HSF2: variants seen among roughly 807,000 people sequenced by gnomAD.
HSF2 encodes the protein heat shock factor protein 2.
HSF2 carries 21 observed loss-of-function variants against 65.0 expected under a neutral mutation model. That is an observed-to-expected ratio of 0.32 (90% CI 0.23 to 0.47). HSF2 has a LOEUF of 0.47. Among genes scored for constraint, HSF2 ranks in the 20% least tolerant of loss-of-function variants. The pLI, the probability that HSF2 is intolerant of heterozygous loss-of-function variation, is 1.00. For missense variants in HSF2, 499 were observed against 628.1 expected, an observed-to-expected ratio of 0.79 and a Z score of 2.20; for synonymous variants, 225 against 219.1, an observed-to-expected ratio of 1.03 and a Z score of -0.24.
chr6:122,405,256 T>TAAA (rs367766925), intron 1 of HSF2, among the ~76,000 whole-genome samples: 1 of 123,712 alleles, frequency 8.1e-6, no homozygotes, highest in African/African-American at 3.0e-5. Context: ...CCCTGTCTCT[T>TAAA]AAAAAAAAAA....
At chr6:122,418,095 T>A (rs1774161978) in intron 5 of HSF2, among the ~76,000 whole-genome samples, 1 of 151,304 alleles carries the variant, frequency 6.6e-6, no homozygotes, top group Admixed American at 6.6e-5. Flanking sequence ...AATACTCTAT[T>A]TAATCATGTA....
chr6:122,422,887 A>G lies in HSF2; in HGVS notation c.1000A>G (p.Ser334Gly). ...SSAVQLNGSS[S>G]LTSEDPVTMM... ...TGCTGTCCAGCTAAATGGCTCATCC[A>G]GTCTGACCTCAGAAGATCCAGTGAC... Residue 334 changes from serine (S) to glycine (G), a missense_variant, in exon 9 of 13, where the codon AGT becomes GGT. Physicochemically the swap from Ser to Gly is moderately conservative, Grantham distance 56 (BLOSUM62 0). This residue lies in a region of HSF2 where 349 missense variants were observed against 393.5 expected (regional missense o/e 0.89). Transcript: ENST00000368455. The G allele has an allele frequency of 1.2e-6, 2 of 1,613,668 alleles. No individual in the cohort carries two copies. Among genetic ancestry groups the G allele is most frequent in the Non-Finnish European group, 1.7e-6 (2 of 1,179,730 alleles).
intron 1 of HSF2, 48 bp downstream of exon 1, chr6:122,399,878 C>G: frequency 7.4e-7 from 1 of 1,350,874 alleles, no homozygotes. Flanking sequence ...TAACCGCCTC[C>G]TCACTCGCTC....
rs1217446582 is a variant in HSF2 at position 122,422,798 on chromosome 6, A to G, written c.911A>G (p.Gln304Arg). Reference sequence around the variant, plus strand: ...GCACCTGTCATTCAGAGTGGAGAGCAGAATGAACCAGCCAGAGAATCCCTA... The same window carrying G: ...GCACCTGTCATTCAGAGTGGAGAGCGGAATGAACCAGCCAGAGAATCCCTA... Reference protein sequence around the residue: ...EYAPVIQSGEQNEPARESLSS... With the variant: ...EYAPVIQSGERNEPARESLSS... Residue 304 changes from glutamine to arginine, a missense_variant, in exon 9 of 13, where the codon CAG becomes CGG. Around this residue, in one of 2 missense-constraint regions of HSF2, gnomAD observed 349 missense variants for 393.5 expected, o/e 0.89. Coordinates refer to ENST00000368455, the MANE Select transcript of HSF2 (RefSeq NM_004506.4). 10 of 1,613,496 alleles carry G rather than the reference A, an allele frequency of 6.2e-6. No individual in the cohort carries two copies. The highest frequency in any genetic ancestry group is 1.1e-5 in the South Asian group (1 of 91,080).
rs761574648 is a variant in HSF2 at position 122,422,748 on chromosome 6, T to A, written c.861T>A (p.Val287=). Residue 287 remains valine (V), a synonymous_variant, in exon 9 of 13, where the codon GTT becomes GTA. Transcript: ENST00000368455. ...NCSQYPDIVI[V]EDDNEDEYAP... is the part of the protein sequence containing the mutation. The stretch of plus-strand genomic sequence containing the variant: ...GCCAGTACCCTGATATTGTCATCGT[T>A]GAAGATGACAATGAAGATGAGTATG... 8.1e-6 allele frequency: 13 copies of A among 1,611,276 alleles called. No individual in the cohort carries two copies. The Admixed American group carries it at 1.2e-4, about 14-fold the overall frequency.
chr6:122,399,751 C>G lies in HSF2; in HGVS notation c.14C>G (p.Ser5Trp), dbSNP rs1473245781. 1.2e-6 allele frequency: 2 copies of G among 1,612,072 alleles called. No homozygotes were observed. The highest frequency in any genetic ancestry group is 1.7e-6 in the Non-Finnish European group (2 of 1,179,238). MKQS[S>W]NVPAFLSKLW... ...GCCGCGTTAACAATGAAGCAGAGTTCGAACGTGCCGGCTTTCCTCAGCAAG... is the reference window on the plus strand; with the variant it reads ...GCCGCGTTAACAATGAAGCAGAGTTGGAACGTGCCGGCTTTCCTCAGCAAG... Residue 5 changes from serine to tryptophan, a missense_variant, in exon 1 of 13, where the codon TCG (serine) becomes TGG (tryptophan). Physicochemically the swap from Ser to Trp is radical, Grantham distance 177. Coordinates refer to ENST00000368455, the MANE Select transcript of HSF2 (RefSeq NM_004506.4).
At chr6:122,410,658 T>C (rs934054072) in intron 1 of HSF2, among the ~76,000 whole-genome samples, 1 of 151,942 alleles carries the variant, frequency 6.6e-6, no homozygotes, top group Non-Finnish European at 1.5e-5. Flanking sequence ...TAAGGGGAAT[T>C]GTACAGTATT....
At chr6:122,410,320 T>G (rs965382286) in intron 1 of HSF2, among the ~76,000 whole-genome samples, 3 of 151,944 alleles carry the variant, frequency 2.0e-5, no homozygotes, top group African/African-American at 4.8e-5. Flanking sequence ...TTTAATATTT[T>G]TAAAGTTCCT....
intron 1 of HSF2, among the ~76,000 whole-genome samples, chr6:122,405,700 G>A (rs963487332): frequency 4.6e-5 from 7 of 152,002 alleles, no homozygotes; most frequent in Non-Finnish European, 7.4e-5. Context: ...TTTGCCAGCT[G>A]TTTTATAAAA....
chr6:122,400,264 T>C (rs572268567), intron 1 of HSF2, among the ~76,000 whole-genome samples: 2 of 152,100 alleles, frequency 1.3e-5, no homozygotes, highest in African/African-American at 4.8e-5. Flanking sequence ...AACGTGGGGC[T>C]TTATAGGAGG....
At chr6:122,401,245 T>TA (rs1189250205) in intron 1 of HSF2, among the ~76,000 whole-genome samples, 2 of 152,212 alleles carry the variant, frequency 1.3e-5, no homozygotes, top group African/African-American at 4.8e-5. Flanking sequence ...AGCCAGCCAC[T>TA]AGCATGTACT....
At chr6:122,420,313 A>G in intron 7 of HSF2, 91 bp downstream of exon 7, 1 of 915,624 alleles carries the variant, frequency 1.1e-6, no homozygotes, top group East Asian at 2.9e-5. Flanking sequence ...AAGTGTGGTG[A>G]ATAACAATTC....
intron 1 of HSF2, among the ~76,000 whole-genome samples, chr6:122,404,212 C>T (rs1448383163): frequency 6.6e-6 from 1 of 152,154 alleles, no homozygotes; most frequent in Non-Finnish European, 1.5e-5. Context: ...CAGAATTTTT[C>T]CATTGTTTTC....
chr6:122,412,209 T>C (rs1774013119), intron 1 of HSF2, among the ~76,000 whole-genome samples, 164 bp from the exon 2 acceptor site: 1 of 152,054 alleles, frequency 6.6e-6, no homozygotes, highest in African/African-American at 2.4e-5. Flanking sequence ...TGTTGCTTAA[T>C]TGCAATTTTG....
In HSF2 at chr6:122,412,330, A is replaced by G. The variant is rs1292645260; in HGVS notation, c.94-43A>G. On this transcript the variant is annotated intron_variant, in intron 1 of 12. Transcript: ENST00000368455. Reference sequence around the variant, plus strand: ...TAAATATATCACCATGTGTCATAGGAACTTAACTAATTTACTTTTTCTTTT... The same window carrying G: ...TAAATATATCACCATGTGTCATAGGGACTTAACTAATTTACTTTTTCTTTT... 7.0e-6 allele frequency: 8 copies of G among 1,136,012 alleles called. No homozygotes were observed. The South Asian group carries it at 9.9e-5, about 14-fold the overall frequency. The allele number at this position is 1,136,012 out of a possible 1,614,324, so 70.4% of individuals were successfully genotyped here. A position where few individuals can be genotyped will look rare whatever the true frequency, so the allele number is the denominator to read the frequency against.
intron 11 of HSF2, among the ~76,000 whole-genome samples, chr6:122,429,232 A>G (rs1774408188): frequency 6.6e-6 from 1 of 152,088 alleles, no homozygotes. Context: ...ATGGACCCAT[A>G]TCATTTGTTC....
In HSF2 at chr6:122,407,125, G is replaced by A. The variant is rs560501295; in HGVS notation, c.94-5248G>A. On this transcript the variant is annotated intron_variant, in intron 1 of 12. Coordinates refer to ENST00000368455, the MANE Select transcript of HSF2 (RefSeq NM_004506.4). The stretch of plus-strand genomic sequence containing the variant: ...AAAAGCCAGCAAAGGAGGCTGAGAC[G>A]GAACAGTGAAAAAGAAGGAAAATCA... 5.3e-5 allele frequency among the ~76,000 whole-genome samples: 8 copies of A among 152,196 alleles called. No homozygotes were observed. In the East Asian group the frequency reaches 9.7e-4, roughly 18 times the overall value.
intron 1 of HSF2, among the ~76,000 whole-genome samples, chr6:122,407,222 AG>A (rs989610154): frequency 6.6e-6 from 1 of 152,238 alleles, no homozygotes; most frequent in African/African-American, 2.4e-5. Flanking sequence ...ACATGCTGTT[AG>A]GAATATTCTT....
chr6:122,430,881 CAG>C (rs1390717402), intron 11 of HSF2, among the ~76,000 whole-genome samples: 1 of 152,044 alleles, frequency 6.6e-6, no homozygotes, highest in Admixed American at 6.6e-5. Context: ...AAAGAACTGA[CAG>C]AGCTACAGAA....
Sources: allele counts gnomAD v4.1 joint callset (sites outside exome capture counted in the v4.1 genomes callset), GRCh38; gene constraint gnomAD v4.1.1; regional missense constraint gnomAD v4.1.1; transcripts MANE v1.5; gene names NCBI Gene and HGNC (gene_info 2026-07-23, HGNC 2026-07-21).